The following GNG7 variants were observed in gnomAD, a reference collection of about 807,000 sequenced individuals.
The protein encoded by GNG7 is G protein subunit gamma 7.
Under a neutral mutation model 4.0 loss-of-function variants are expected in GNG7, and 1 was observed. That is an observed-to-expected ratio of 0.25 (90% CI 0.09 to 1.18). The LOEUF is 1.18. GNG7 is among the 50% of genes most tolerant of loss of function. The probability of loss-of-function intolerance (pLI) is 0.50; values close to 1 mark genes in which losing one functional copy is unlikely to be tolerated. For missense variants in GNG7, 86 were observed against 91.9 expected, an observed-to-expected ratio of 0.94 and a Z score of 0.26; for synonymous variants, 34 against 36.9, an observed-to-expected ratio of 0.92 and a Z score of 0.29.
At chr19:2,655,838 G>GAAAAAAAAA (rs56041767) in intron 1 of GNG7, among the ~76,000 whole-genome samples, 1 of 54,760 alleles carries the variant, frequency 1.8e-5, no homozygotes, top group Non-Finnish European at 3.3e-5. Flanking sequence ...GGCTCCGTCT[G>GAAAAAAAAA]AAAAAAAAAA....
chr19:2,529,937 G>GC (rs1211323032), intron 3 of GNG7, among the ~76,000 whole-genome samples: 1 of 152,220 alleles, frequency 6.6e-6, no homozygotes, highest in African/African-American at 2.4e-5. Context: ...TCCTCTCAAG[G>GC]CTGAGGATGG....
intron 3 of GNG7, among the ~76,000 whole-genome samples, chr19:2,542,587 A>G (rs1978998594): frequency 1.3e-5 from 2 of 152,194 alleles, no homozygotes; most frequent in African/African-American, 4.8e-5. Context: ...TTTCAGTTTC[A>G]GCCTGGGAGA....
At chr19:2,615,466 T>A (rs866160486) in intron 2 of GNG7, among the ~76,000 whole-genome samples, 2 of 120,604 alleles carry the variant, frequency 1.7e-5, no homozygotes, top group African/African-American at 5.7e-5. Context: ...TTTTTTTTTT[T>A]TTTTTTTTTT....
chr19:2,540,040 C>G (rs1040799200), intron 3 of GNG7, among the ~76,000 whole-genome samples: 1 of 109,898 alleles, frequency 9.1e-6, no homozygotes, highest in African/African-American at 3.4e-5. Flanking sequence ...GGCTCTCCCT[C>G]CCTCCCTCCC....
At chr19:2,696,328 AAG>A (rs1491008973) in intron 1 of GNG7, among the ~76,000 whole-genome samples, 15 of 147,972 alleles carry the variant, frequency 1.0e-4, no homozygotes, top group African/African-American at 3.6e-4. Flanking sequence ...GAAAGAAAGA[AAG>A]AAAGAAAGAA....
intron 2 of GNG7, among the ~76,000 whole-genome samples, chr19:2,569,384 T>C (rs1980076008): frequency 1.3e-5 from 2 of 152,128 alleles, no homozygotes; most frequent in African/African-American, 4.8e-5. Context: ...GACACCATTC[T>C]CCTGCCTCAG....
At chr19:2,564,189 G>C (rs1979831638) in intron 2 of GNG7, among the ~76,000 whole-genome samples, 2 of 152,158 alleles carry the variant, frequency 1.3e-5, no homozygotes, top group Non-Finnish European at 2.9e-5. Context: ...CTCAGAGATG[G>C]GGTCTCTGCA....
chr19:2,553,047 C>T (rs1033364737), intron 3 of GNG7, among the ~76,000 whole-genome samples: 5 of 148,418 alleles, frequency 3.4e-5, no homozygotes, highest in Non-Finnish European at 1.5e-5. Flanking sequence ...ACTGGCGAGT[C>T]GACGAAACCA....
At chr19:2,676,528 C>T (rs1051869764) in intron 1 of GNG7, among the ~76,000 whole-genome samples, 4 of 152,218 alleles carry the variant, frequency 2.6e-5, no homozygotes, top group Non-Finnish European at 5.9e-5. Flanking sequence ...CCTCCCACCT[C>T]AGCCTCCCAA....
chr19:2,534,599 G>A (rs1377224723), intron 3 of GNG7, among the ~76,000 whole-genome samples: 2 of 152,228 alleles, frequency 1.3e-5, no homozygotes, highest in Non-Finnish European at 2.9e-5. Flanking sequence ...AGGGGGCCAT[G>A]AGGGAGATGG....
intron 1 of GNG7, among the ~76,000 whole-genome samples, chr19:2,701,788 T>C (rs1303296595): frequency 1.6e-5 from 2 of 123,198 alleles, no homozygotes; most frequent in Non-Finnish European, 3.3e-5. Flanking sequence ...ACTCAACCCC[T>C]GTTCCCCGCT....
intron 2 of GNG7, chr19:2,643,764 A>G (rs1285276293): frequency 4.9e-6 from 2 of 404,446 alleles, no homozygotes; most frequent in Admixed American, 2.7e-5. Flanking sequence ...TCAAGCGCAC[A>G]TGGTTCTAAG....
chr19:2,563,311 T>A (rs1343916337), intron 2 of GNG7, among the ~76,000 whole-genome samples: 2 of 152,080 alleles, frequency 1.3e-5, no homozygotes, highest in Non-Finnish European at 2.9e-5. Context: ...TGGGCCTGGA[T>A]CATTCTCTGG....
intron 2 of GNG7, among the ~76,000 whole-genome samples, chr19:2,598,514 G>A (rs1369704733): frequency 1.5e-4 from 23 of 150,652 alleles, no homozygotes; most frequent in African/African-American, 4.9e-4. Context: ...AAAATTAGCT[G>A]GGTGTGGTGG....
At chr19:2,568,404 A>G (rs938004232) in intron 2 of GNG7, among the ~76,000 whole-genome samples, 21 of 128,108 alleles carry the variant, frequency 1.6e-4, no homozygotes, top group African/African-American at 5.4e-4. Context: ...AAACACACAC[A>G]CATATACACA....
rs1982210169 is a variant in GNG7, at chr19:2,633,305, T to TC, written c.-78+12918dup. 6.6e-6 allele frequency among the ~76,000 whole-genome samples: 1 copy of TC among 151,956 alleles called. No homozygotes were observed. Among genetic ancestry groups the TC allele is most frequent in the Non-Finnish European group, 1.5e-5 (1 of 67,992 alleles). The stretch of plus-strand genomic sequence containing the variant: ...CCATCCTCTCTGGCCTCCACTCGGC[T>TC]CCCCCATGTCCCCTGCCCCCAGCAT... On this transcript the variant is annotated intron_variant, in intron 2 of 4. Transcript: ENST00000382159. This position sits in a 1 kb window ranked among gnomAD's most constrained non-coding sequence, Gnocchi z 5.9.
chr19:2,568,342 CAT>C (rs1274921421), intron 2 of GNG7, among the ~76,000 whole-genome samples: 2 of 149,174 alleles, frequency 1.3e-5, no homozygotes, highest in Non-Finnish European at 3.0e-5. Context: ...CACATATAGA[CAT>C]ACATACACAC....
chr19:2,549,711 T>TACGAGGC (rs1979255177), intron 3 of GNG7, among the ~76,000 whole-genome samples: 1 of 151,966 alleles, frequency 6.6e-6, no homozygotes, highest in Non-Finnish European at 1.5e-5. Context: ...CCGCTGCAGC[T>TACGAGGC]ACCAGGCACC....
chr19:2,565,887 G>T (rs1234847752), intron 2 of GNG7, among the ~76,000 whole-genome samples: 1 of 152,156 alleles, frequency 6.6e-6, no homozygotes, highest in Non-Finnish European at 1.5e-5. Context: ...GCCGGGCACG[G>T]TGGCTCACGC....
Sources: allele counts gnomAD v4.1 joint callset (sites outside exome capture counted in the v4.1 genomes callset), GRCh38; gene constraint gnomAD v4.1.1; non-coding constraint Gnocchi (gnomAD v3.1); transcripts MANE v1.5; gene names NCBI Gene and HGNC (gene_info 2026-07-23, HGNC 2026-07-21).